MAGI1: variants seen among roughly 807,000 people sequenced by gnomAD.
The protein encoded by MAGI1 is membrane-associated guanylate kinase, WW and PDZ domain-containing protein 1.
In MAGI1, 58 loss-of-function variants were observed where a neutral mutation model predicts 139.9. The observed-to-expected ratio is 0.41, with a 90% CI of 0.34 to 0.52. The LOEUF is 0.52. Among genes scored for constraint, MAGI1 ranks in the 20% least tolerant of loss-of-function variants. The pLI, the probability that MAGI1 is intolerant of heterozygous loss-of-function variation, is 0.12. For missense variants in MAGI1, 1,874 were observed against 1,901.6 expected (o/e 0.99, Z 0.27); for synonymous variants, 812 against 737.9 (o/e 1.10, Z -1.63).
At chr3:65,949,553 A>G (rs999515231) in intron 1 of MAGI1, among the ~76,000 whole-genome samples, 8 of 152,214 alleles carry the variant, frequency 5.3e-5, no homozygotes, top group Non-Finnish European at 8.8e-5. Flanking sequence ...AATATTCAAC[A>G]TGTCCAGCAT....
intron 1 of MAGI1, among the ~76,000 whole-genome samples, chr3:65,766,647 T>C (rs9842783): frequency 2.8e-4 from 43 of 152,108 alleles, no homozygotes; most frequent in African/African-American, 9.9e-4. Context: ...CCCAACACTT[T>C]GGGAGGTCAA....
chr3:65,924,905 T>G (rs1396035008), intron 1 of MAGI1: 1 of 152,216 alleles, frequency 6.6e-6, no homozygotes, highest in Non-Finnish European at 1.5e-5. Flanking sequence ...TGTAGAGCAT[T>G]TGATGAATTT....
chr3:65,433,751 C>A (rs1165451423), intron 10 of MAGI1, among the ~76,000 whole-genome samples: 3 of 152,046 alleles, frequency 2.0e-5, no homozygotes, highest in Non-Finnish European at 4.4e-5. Flanking sequence ...CAAAACTCTG[C>A]ACCTGAATGA....
rs549917329 is a variant in MAGI1 at position 65,858,461 on chromosome 3, T to A, written c.313+179535A>T. ...CATCTTATAGATCTGTGACTCTGAT[T>A]GGCTGGGTAATGCTATTAATAAATT... On this transcript the variant is annotated intron_variant, in intron 1 of 22. Transcript: ENST00000402939. 4.6e-5 allele frequency among the ~76,000 whole-genome samples: 7 copies of A among 152,360 alleles called. No homozygotes were observed. The South Asian group carries it at 1.5e-3, about 32-fold the overall frequency.
intron 2 of MAGI1, among the ~76,000 whole-genome samples, chr3:65,555,182 T>C (rs1451262880): frequency 6.6e-6 from 1 of 152,208 alleles, no homozygotes; most frequent in Non-Finnish European, 1.5e-5. Flanking sequence ...ACTCATTCAA[T>C]TTTTTCAACA....
chr3:65,948,270 C>T (rs2063638110), intron 1 of MAGI1, among the ~76,000 whole-genome samples: 1 of 152,130 alleles, frequency 6.6e-6, no homozygotes, highest in Non-Finnish European at 1.5e-5. Flanking sequence ...AAAATAATTG[C>T]TGCTAGCAGC....
At chr3:65,383,439 C>G in intron 15 of MAGI1, 93 bp downstream of exon 15, 1 of 902,542 alleles carries the variant, frequency 1.1e-6, no homozygotes, top group Non-Finnish European at 1.9e-6. Context: ...TTGCATCTAG[C>G]TGGACTTAAA....
At chr3:65,391,657 G>A (rs960540861) in intron 13 of MAGI1, among the ~76,000 whole-genome samples, 4 of 152,116 alleles carry the variant, frequency 2.6e-5, no homozygotes, top group Non-Finnish European at 5.9e-5. Flanking sequence ...CGCTATGCTC[G>A]TTTACTGCAA....
intron 1 of MAGI1, among the ~76,000 whole-genome samples, chr3:65,707,185 G>A (rs1038299095): frequency 2.0e-5 from 3 of 152,186 alleles, no homozygotes; most frequent in African/African-American, 7.2e-5. Flanking sequence ...AGTGCTGATT[G>A]GCAGGGCTCT....
chr3:65,786,608 AT>A (rs34768515), intron 1 of MAGI1, among the ~76,000 whole-genome samples: 33,878 of 128,086 alleles, frequency 0.26, 4,158 homozygotes, highest in Non-Finnish European at 0.3. Context: ...TGGCCCAAGA[AT>A]TTTTTTTTTT....
In MAGI1 at chr3:65,959,982, A is replaced by G. The variant is rs573464528; in HGVS notation, c.313+78014T>C. Among the ~76,000 whole-genome samples the G allele has an allele frequency of 2.5e-4, 37 of 149,994 alleles. No homozygotes were observed. In the South Asian group the frequency reaches 5.7e-3, roughly 23 times the overall value. ...CATCACGCCCAGCTAATTTTTTTGT[A>G]TTTTTTAGTAGAGACAGGGTTTTAC... is the stretch of plus-strand genomic sequence containing the variant. On this transcript the variant is annotated intron_variant, in intron 1 of 22. Coordinates refer to ENST00000402939, the MANE Select transcript of MAGI1 (RefSeq NM_001033057.2).
intron 2 of MAGI1, among the ~76,000 whole-genome samples, chr3:65,564,272 G>T (rs968725212): frequency 6.6e-6 from 1 of 151,318 alleles, no homozygotes; most frequent in Non-Finnish European, 1.5e-5. Context: ...AAAAAAAAAG[G>T]CAGAACAAAT....
intron 1 of MAGI1, among the ~76,000 whole-genome samples, chr3:65,950,212 G>A (rs2063770952): frequency 6.6e-6 from 1 of 150,580 alleles, no homozygotes; most frequent in African/African-American, 2.5e-5. Context: ...AACAAGTTAG[G>A]AGATGAAAGT....
At chr3:65,765,935 A>T (rs1256130957) in intron 1 of MAGI1, among the ~76,000 whole-genome samples, 1 of 152,232 alleles carries the variant, frequency 6.6e-6, no homozygotes, top group Non-Finnish European at 1.5e-5. Flanking sequence ...TCACCAAAAC[A>T]TCTGCTGACC....
chr3:66,023,538 A>T (rs575735010), intron 1 of MAGI1, among the ~76,000 whole-genome samples: 1 of 152,340 alleles, frequency 6.6e-6, no homozygotes, highest in Non-Finnish European at 1.5e-5. Context: ...GGTTTGCAAA[A>T]AACAAAAAAC....
intron 1 of MAGI1, among the ~76,000 whole-genome samples, chr3:65,784,924 T>A (rs1007953492): frequency 6.6e-6 from 1 of 152,122 alleles, no homozygotes; most frequent in Non-Finnish European, 1.5e-5. Flanking sequence ...TGTAAGAGAT[T>A]TGTGGCTACC....
chr3:65,860,762 C>G (rs765031693), intron 1 of MAGI1, among the ~76,000 whole-genome samples: 1 of 152,190 alleles, frequency 6.6e-6, no homozygotes, highest in Non-Finnish European at 1.5e-5. Flanking sequence ...TTCCATTTCC[C>G]CAGCTTCTCT....
intron 1 of MAGI1, among the ~76,000 whole-genome samples, chr3:65,820,280 G>C (rs141622884): frequency 6.6e-6 from 1 of 152,098 alleles, no homozygotes; most frequent in Non-Finnish European, 1.5e-5. Context: ...TCAGAGAGGA[G>C]ACCCTGGTGC....
chr3:65,689,147 C>T lies in MAGI1; in HGVS notation c.314-67059G>A, dbSNP rs536926855. Among the ~76,000 whole-genome samples, 15 of 152,334 alleles carry T rather than the reference C, an allele frequency of 9.8e-5. No homozygotes were observed. In the East Asian group the frequency reaches 2.9e-3, roughly 29 times the overall value. ...CCCTCTGAAACCCAGACATCAGTCTCTTCAAGGGAAAACAAAAGCTCTAGG... is the reference window on the plus strand; with the variant it reads ...CCCTCTGAAACCCAGACATCAGTCTTTTCAAGGGAAAACAAAAGCTCTAGG... On this transcript the variant is annotated intron_variant, in intron 1 of 22. Coordinates refer to ENST00000402939, the MANE Select transcript of MAGI1 (RefSeq NM_001033057.2).
Sources: allele counts gnomAD v4.1 joint callset (sites outside exome capture counted in the v4.1 genomes callset), GRCh38; gene constraint gnomAD v4.1.1; transcripts MANE v1.5; gene names NCBI Gene and HGNC (gene_info 2026-07-23, HGNC 2026-07-21).